RB1: variants seen among roughly 807,000 people sequenced by gnomAD.
RB1 encodes the protein retinoblastoma-associated protein.
In RB1, 18 loss-of-function variants were observed where a neutral mutation model predicts 135.4. The ratio of observed to expected loss-of-function variants is 0.13; its 90% CI spans 0.09 to 0.20. RB1 has a LOEUF of 0.20. RB1 is among the 10% of genes least tolerant of loss of function. The pLI is 1.00. For synonymous variants in RB1, 365 were observed against 373.2 expected (o/e 0.98, Z 0.25); for missense variants, 868 against 1,110.0 (o/e 0.78, Z 3.10).
At chr13:48,466,127 A>G (rs1949442104) in intron 23 of RB1, among the ~76,000 whole-genome samples, 1 of 148,896 alleles carries the variant, frequency 6.7e-6, no homozygotes, top group Non-Finnish European at 1.5e-5. Context: ...ACAAAAAGAC[A>G]GCAGTAACCT....
chr13:48,453,893 C>T (rs1210447830), intron 18 of RB1, among the ~76,000 whole-genome samples: 2 of 152,102 alleles, frequency 1.3e-5, no homozygotes, highest in Admixed American at 1.3e-4. Context: ...AGGTATTTAA[C>T]CTTTTATCTG....
At chr13:48,464,114 C>T (rs1449358561) in intron 21 of RB1, among the ~76,000 whole-genome samples, 1 of 152,074 alleles carries the variant, frequency 6.6e-6, no homozygotes, top group Non-Finnish European at 1.5e-5. Flanking sequence ...ATAAACTTGA[C>T]ATGAGTCATA....
At chr13:48,435,420 T>G (rs1949173471) in intron 17 of RB1, among the ~76,000 whole-genome samples, 1 of 152,160 alleles carries the variant, frequency 6.6e-6, no homozygotes, top group Admixed American at 6.6e-5. Flanking sequence ...GGATTGTTTG[T>G]TTTTTACCAT....
chr13:48,426,997 G>T (rs1325401997), intron 17 of RB1: 1 of 152,820 alleles, frequency 6.5e-6, no homozygotes, highest in East Asian at 1.9e-4. Context: ...AGAGGAAGGA[G>T]GAGGTCCCAT....
At chr13:48,322,657 TG>T (rs991302633) in intron 2 of RB1, among the ~76,000 whole-genome samples, 29 of 152,304 alleles carry the variant, frequency 1.9e-4, no homozygotes, top group African/African-American at 7.0e-4. Context: ...ATGTTAGCTG[TG>T]GGGTTTTTGT....
Position 48,456,835 on chromosome 13 carries a change from G to A in RB1, c.1960+486G>A, listed in dbSNP as rs552999787. 9.1e-4 allele frequency among the ~76,000 whole-genome samples: 139 copies of A among 152,358 alleles called. No homozygotes were observed. The Middle Eastern group carries it at 0.01, about 11-fold the overall frequency. On this transcript the variant is annotated intron_variant, in intron 19 of 26. Transcript: ENST00000267163. ...CACCTGGACCAGACACACCACAAGC[G>A]GTTTCCACAGCTGGCACTGGGGAAC...
chr13:48,411,763 T>G, intron 17 of RB1: 1 of 1,611,122 alleles, frequency 6.2e-7, no homozygotes, highest in South Asian at 1.1e-5. Context: ...TTGTTTATTT[T>G]GCTTCTACTT....
At chr13:48,309,256 C>T (rs774815383) in intron 2 of RB1, among the ~76,000 whole-genome samples, 2 of 152,144 alleles carry the variant, frequency 1.3e-5, no homozygotes, top group Non-Finnish European at 2.9e-5. Flanking sequence ...CAGACAGATA[C>T]TTTTAATGAA....
intron 9 of RB1, among the ~76,000 whole-genome samples, chr13:48,365,360 T>A (rs1239665786): frequency 6.6e-6 from 1 of 152,210 alleles, no homozygotes; most frequent in African/African-American, 2.4e-5. Flanking sequence ...TTATTGGCAT[T>A]ACTACATTGT....
chr13:48,318,550 C>T, intron 2 of RB1: 1 of 748,316 alleles, frequency 1.3e-6, no homozygotes, highest in South Asian at 1.7e-5. Context: ...CCTCCCGGGA[C>T]CTCGCTGGCT....
At chr13:48,316,897 G>A (rs1952189082) in intron 2 of RB1, 1 of 345,672 alleles carries the variant, frequency 2.9e-6, no homozygotes, top group Non-Finnish European at 5.7e-6. Context: ...TCCTCCGTGC[G>A]CGGAGTGTCG....
intron 17 of RB1, among the ~76,000 whole-genome samples, chr13:48,398,152 TA>T (rs1244619776): frequency 6.6e-6 from 1 of 152,198 alleles, no homozygotes. Flanking sequence ...GCTATATTTT[TA>T]AAAGCTTCTC....
At chr13:48,379,677 T>G in intron 14 of RB1, 27 bp downstream of exon 14, 1 of 1,599,318 alleles carries the variant, frequency 6.3e-7, no homozygotes. Context: ...ATAAAAAAAT[T>G]TCAGCCGGGC....
chr13:48,393,008 G>A (rs968353947), intron 17 of RB1, among the ~76,000 whole-genome samples: 6 of 152,040 alleles, frequency 3.9e-5, no homozygotes, highest in Admixed American at 6.6e-5. Context: ...ATCAATAGCC[G>A]ATTTTCCTTC....
In RB1 at chr13:48,481,597, CTT is replaced by C. The variant is rs540108904; in HGVS notation, c.*1527_*1528del. 760 of 230,808 alleles carry C rather than the reference CTT, an allele frequency of 3.3e-3. 5 individuals carry two copies. The highest frequency in any genetic ancestry group is 0.016 in the African/African-American group (717 of 45,302). 14.3% of individuals were successfully genotyped at this position (230,808 alleles called of 1,614,324 possible). A position where few individuals can be genotyped will look rare whatever the true frequency, so the allele number is the denominator to read the frequency against. ...TTTTGATAACAATGACACTAGAAAA[CTT>C]GACTCCATTTCATCATTGTTTCTGC... is the stretch of plus-strand genomic sequence containing the variant. On this transcript the variant is annotated 3_prime_UTR_variant, in exon 27 of 27. Transcript: ENST00000267163.
intron 17 of RB1, among the ~76,000 whole-genome samples, chr13:48,394,330 TG>T (rs1948631956): frequency 6.6e-6 from 1 of 152,178 alleles, no homozygotes; most frequent in African/African-American, 2.4e-5. Flanking sequence ...GGCAGCTGTT[TG>T]GGCAGATACC....
At chr13:48,335,366 A>G (rs1295101933) in intron 2 of RB1, among the ~76,000 whole-genome samples, 1 of 151,890 alleles carries the variant, frequency 6.6e-6, no homozygotes, top group African/African-American at 2.4e-5. Context: ...TCTTTTTTTA[A>G]TTTTTAAGTT....
At chr13:48,317,594 G>A (rs751603335) in intron 2 of RB1, 8 of 440,188 alleles carry the variant, frequency 1.8e-5, no homozygotes, top group Admixed American at 3.4e-5. Flanking sequence ...TCGGCCCCTC[G>A]TGAGCGCTGG....
At chr13:48,318,919 G>A in intron 2 of RB1, 1 of 1,179,234 alleles carries the variant, frequency 8.5e-7, no homozygotes, top group Non-Finnish European at 1.3e-6. Flanking sequence ...AGCTACTGTC[G>A]CCGTCAGAGC....
Sources: allele counts gnomAD v4.1 joint callset (sites outside exome capture counted in the v4.1 genomes callset), GRCh38; gene constraint gnomAD v4.1.1; transcripts MANE v1.5; gene names NCBI Gene and HGNC (gene_info 2026-07-23, HGNC 2026-07-21).